Variants in PARD3B observed in about 807,000 individuals in gnomAD.
The protein encoded by PARD3B is par-3 family cell polarity regulator beta.
PARD3B carries 103 observed loss-of-function variants against 130.2 expected under a neutral mutation model. That is an observed-to-expected ratio of 0.79 (90% CI 0.67 to 0.93). The LOEUF is 0.93. Among genes scored for constraint, PARD3B ranks in the 40% least tolerant of loss-of-function variants. The pLI is 0.00. For synonymous variants in PARD3B, 583 were observed against 553.2 expected (o/e 1.05, Z -0.76); for missense variants, 1,609 against 1,499.2 (o/e 1.07, Z -1.21).
At chr2:205,202,480 G>A (rs934549392) in intron 15 of PARD3B, among the ~76,000 whole-genome samples, 4 of 152,114 alleles carry the variant, frequency 2.6e-5, no homozygotes, top group African/African-American at 9.7e-5. Flanking sequence ...AATATCTTTT[G>A]TGTAGGAATT....
In PARD3B at chr2:205,461,843, G is replaced by T. The variant is rs1575080823; in HGVS notation, c.3044+21171G>T. ...TGTCGGTGGTGAATCATTAGTTTAA[G>T]GTGTCTTTCTTCTTTCAGCAGTTTA... On this transcript the variant is annotated intron_variant, in intron 20 of 22. Coordinates refer to ENST00000406610, the MANE Select transcript of PARD3B (RefSeq NM_001302769.2). This position sits in a 1 kb window ranked among gnomAD's most constrained non-coding sequence, Gnocchi z 4.3. Among the ~76,000 whole-genome samples the T allele has an allele frequency of 6.6e-6, 1 of 152,108 alleles. No homozygotes were observed. The highest frequency in any genetic ancestry group is 2.4e-5 in the African/African-American group (1 of 41,440).
At chr2:205,596,246 T>A (rs1160340632) in intron 22 of PARD3B, among the ~76,000 whole-genome samples, 1 of 152,214 alleles carries the variant, frequency 6.6e-6, no homozygotes, top group Non-Finnish European at 1.5e-5. Context: ...AAGTCATCAA[T>A]ACCTAAGAAC....
At chr2:204,845,472 T>G (rs1427310790) in intron 2 of PARD3B, among the ~76,000 whole-genome samples, 1 of 152,152 alleles carries the variant, frequency 6.6e-6, no homozygotes, top group African/African-American at 2.4e-5. Context: ...TTTTATAGAT[T>G]TTACTCATAG....
chr2:205,467,193 A>T (rs1397343579), intron 20 of PARD3B, among the ~76,000 whole-genome samples: 1 of 152,260 alleles, frequency 6.6e-6, no homozygotes, highest in Non-Finnish European at 1.5e-5. Flanking sequence ...GCAGCAAAAA[A>T]GTTGTCACCA....
intron 4 of PARD3B, among the ~76,000 whole-genome samples, chr2:205,096,795 T>A (rs1229878753): frequency 6.6e-6 from 1 of 152,200 alleles, no homozygotes; most frequent in African/African-American, 2.4e-5. Flanking sequence ...ATATTTATGA[T>A]CTAATCGTAT....
chr2:205,332,576 C>T lies in PARD3B; in HGVS notation c.2630+30875C>T, dbSNP rs191873283. The stretch of plus-strand genomic sequence containing the variant: ...GTCTTCTACTTTTTGCCATTCCCTA[C>T]ACTTTTCTGTTCATCGCCACCTATC... On this transcript the variant is annotated intron_variant, in intron 18 of 22. Coordinates refer to ENST00000406610, the MANE Select transcript of PARD3B (RefSeq NM_001302769.2). Among the ~76,000 whole-genome samples the T allele has an allele frequency of 5.9e-3, 903 of 152,316 alleles. 4 individuals are homozygous for T. The highest frequency in any genetic ancestry group is 8.7e-3 in the Admixed American group (133 of 15,298).
chr2:205,006,873 T>C (rs1695305422), intron 3 of PARD3B, among the ~76,000 whole-genome samples: 1 of 152,174 alleles, frequency 6.6e-6, no homozygotes, highest in African/African-American at 2.4e-5. Flanking sequence ...GATCTTAGTT[T>C]TGAATTCTTT....
intron 4 of PARD3B, among the ~76,000 whole-genome samples, chr2:205,051,967 C>A (rs918510283): frequency 6.6e-5 from 10 of 152,128 alleles, no homozygotes; most frequent in Admixed American, 5.9e-4. Flanking sequence ...GCAAATCCAA[C>A]TCTATTGACT....
chr2:205,379,622 A>ACTAATTAGCAAAATTGG (rs1284922251), intron 18 of PARD3B, among the ~76,000 whole-genome samples: 5 of 152,152 alleles, frequency 3.3e-5, no homozygotes, highest in Non-Finnish European at 7.3e-5. Flanking sequence ...AGCAAAATTC[A>ACTAATTAGCAAAATTGG]CTAATTAGCA....
rs146409364 is a variant in PARD3B, at chr2:204,745,361, C to T, written c.222+59079C>T. On this transcript the variant is annotated intron_variant, in intron 2 of 22. Coordinates refer to ENST00000406610, the MANE Select transcript of PARD3B (RefSeq NM_001302769.2). ...AAACAGTGTAACAGATTTTTGCATACGTTACTTCCAACCATTATAATAATC... is the reference window on the plus strand; with the variant it reads ...AAACAGTGTAACAGATTTTTGCATATGTTACTTCCAACCATTATAATAATC... Among the ~76,000 whole-genome samples the T allele has an allele frequency of 3.0e-3, 451 of 152,038 alleles. 1 individual carries two copies. The highest frequency in any genetic ancestry group is 0.017 in the South Asian group (83 of 4,818).
chr2:204,628,885 T>C (rs1277886802), intron 1 of PARD3B, among the ~76,000 whole-genome samples: 1 of 152,214 alleles, frequency 6.6e-6, no homozygotes, highest in Non-Finnish European at 1.5e-5. Context: ...AAAATCATGT[T>C]TCTTTAGTTT....
At chr2:204,660,423 T>C (rs546423068) in intron 1 of PARD3B, among the ~76,000 whole-genome samples, 112 of 152,296 alleles carry the variant, frequency 7.4e-4, no homozygotes, top group African/African-American at 2.5e-3. Context: ...ATTTATTGAG[T>C]ACCTATAGTT....
rs188649217 is a variant in PARD3B at position 205,439,202 on chromosome 2, G to A, written c.2742-1168G>A. Among the ~76,000 whole-genome samples, 6 of 151,826 alleles carry A rather than the reference G, an allele frequency of 4.0e-5. No individual in the cohort carries two copies. The East Asian group carries it at 9.7e-4, about 24-fold the overall frequency. On this transcript the variant is annotated intron_variant, in intron 19 of 22. Transcript: ENST00000406610. ...TGGGTTTCAGTTGTTTTTTTAACTC[G>A]TCCTGGCCTCCCGTATGTCTCCAGT...
At chr2:205,388,291 C>T (rs1194194812) in intron 18 of PARD3B, among the ~76,000 whole-genome samples, 1 of 152,188 alleles carries the variant, frequency 6.6e-6, no homozygotes, top group African/African-American at 2.4e-5. Context: ...GCAGGAATTA[C>T]TCATCTGTGG....
intron 2 of PARD3B, among the ~76,000 whole-genome samples, chr2:204,765,721 C>A (rs914798053): frequency 6.6e-6 from 1 of 152,072 alleles, no homozygotes; most frequent in Non-Finnish European, 1.5e-5. Context: ...TGAAGTAGAA[C>A]ATTTATCAGG....
chr2:205,073,632 G>A (rs1450759538), intron 4 of PARD3B, among the ~76,000 whole-genome samples: 1 of 152,072 alleles, frequency 6.6e-6, no homozygotes, highest in South Asian at 2.1e-4. Flanking sequence ...TACAAAGTAG[G>A]ATAAACTTGT....
intron 1 of PARD3B, among the ~76,000 whole-genome samples, chr2:204,647,729 T>C (rs2035324553): frequency 6.6e-6 from 1 of 151,772 alleles, no homozygotes; most frequent in Non-Finnish European, 1.5e-5. Flanking sequence ...AATGGGTAAT[T>C]AAATTCCATA....
chr2:204,607,634 G>GTAATTTTTTTTTAAT (rs2033775591), intron 1 of PARD3B, among the ~76,000 whole-genome samples: 2 of 152,060 alleles, frequency 1.3e-5, no homozygotes, highest in Non-Finnish European at 2.9e-5. Flanking sequence ...TAAAAAAAAG[G>GTAATTTTTTTTTAAT]ATTATACAGT....
At chr2:205,542,509 G>C (rs1559197943) in intron 21 of PARD3B, among the ~76,000 whole-genome samples, 1 of 152,008 alleles carries the variant, frequency 6.6e-6, no homozygotes, top group East Asian at 1.9e-4. Flanking sequence ...CATCTTCCTA[G>C]AACTTGAACT....
Sources: allele counts gnomAD v4.1 joint callset (sites outside exome capture counted in the v4.1 genomes callset), GRCh38; gene constraint gnomAD v4.1.1; non-coding constraint Gnocchi (gnomAD v3.1); transcripts MANE v1.5; gene names NCBI Gene and HGNC (gene_info 2026-07-23, HGNC 2026-07-21).